The following ADK variants were observed in gnomAD, a reference collection of about 807,000 sequenced individuals.
ADK encodes the protein adenosine kinase.
A neutral mutation model predicts 44.7 loss-of-function variants in ADK; 24 were observed. The observed-to-expected ratio is 0.54, with a 90% confidence interval of 0.39 to 0.76. ADK has a LOEUF of 0.76. ADK is among the 30% of genes least tolerant of loss of function. ADK has a pLI of 0.00. For synonymous variants in ADK, 128 were observed against 142.6 expected, an observed-to-expected ratio of 0.90 and a Z score of 0.73; for missense variants, 321 against 425.1, an observed-to-expected ratio of 0.76 and a Z score of 2.15.
At chr10:74,196,836 CA>C (rs910370744) in intron 1 of ADK, among the ~76,000 whole-genome samples, 1 of 152,100 alleles carries the variant, frequency 6.6e-6, no homozygotes, top group African/African-American at 2.4e-5. Context: ...AAAAGCAAAA[CA>C]AAACAACAGA....
At chr10:74,660,194 T>C (rs575945611) in intron 9 of ADK, among the ~76,000 whole-genome samples, 1 of 152,306 alleles carries the variant, frequency 6.6e-6, no homozygotes, top group African/African-American at 2.4e-5. Flanking sequence ...AGCAGCACTA[T>C]CTCGGCTCAC....
chr10:74,524,426 T>C (rs1483489010), intron 6 of ADK, among the ~76,000 whole-genome samples: 1 of 152,188 alleles, frequency 6.6e-6, no homozygotes, highest in African/African-American at 2.4e-5. Context: ...AAGGTCTCCG[T>C]GTATTTCCCA....
chr10:74,602,920 C>T (rs554439607), intron 9 of ADK, among the ~76,000 whole-genome samples: 4 of 152,176 alleles, frequency 2.6e-5, no homozygotes, highest in Non-Finnish European at 5.9e-5. Flanking sequence ...TCCTCTAATA[C>T]GGCTTGATCT....
chr10:74,587,716 G>C (rs900155089), intron 7 of ADK, among the ~76,000 whole-genome samples: 3 of 151,224 alleles, frequency 2.0e-5, no homozygotes, highest in African/African-American at 4.8e-5. Context: ...AAGATGTAGA[G>C]ACTCTTGACA....
intron 9 of ADK, among the ~76,000 whole-genome samples, chr10:74,623,031 A>C (rs750579552): frequency 5.3e-5 from 8 of 152,036 alleles, no homozygotes; most frequent in Non-Finnish European, 8.8e-5. Flanking sequence ...AAAAAACAAA[A>C]AAAGAACCCG....
At chr10:74,251,858 A>G (rs1845662297) in intron 3 of ADK, among the ~76,000 whole-genome samples, 1 of 148,954 alleles carries the variant, frequency 6.7e-6, no homozygotes, top group African/African-American at 2.5e-5. Context: ...CTTACTCCAC[A>G]GCCATTCATT....
intron 7 of ADK, among the ~76,000 whole-genome samples, chr10:74,526,310 A>C (rs973355688): frequency 5.9e-5 from 9 of 152,132 alleles, no homozygotes; most frequent in Admixed American, 2.0e-4. Flanking sequence ...TAAATTATGG[A>C]AATGCTTATT....
intron 6 of ADK, among the ~76,000 whole-genome samples, chr10:74,460,114 A>G (rs987688314): frequency 1.6e-4 from 25 of 152,166 alleles, no homozygotes; most frequent in African/African-American, 5.6e-4. Context: ...CGGCTCCAAG[A>G]TGTGAAACTG....
At chr10:74,176,809 G>C (rs1842357493) in intron 1 of ADK, 3 of 1,600,644 alleles carry the variant, frequency 1.9e-6, no homozygotes, top group Admixed American at 1.7e-5. Flanking sequence ...GGTACCTGCT[G>C]CTGCCCGAGC....
chr10:74,400,904 A>G (rs185826719), intron 6 of ADK, among the ~76,000 whole-genome samples: 1 of 152,290 alleles, frequency 6.6e-6, no homozygotes, highest in East Asian at 1.9e-4. Flanking sequence ...CTTCTTCTTC[A>G]TTTTCTTCAC....
chr10:74,183,913 T>C (rs769774404), intron 1 of ADK, among the ~76,000 whole-genome samples: 27 of 151,892 alleles, frequency 1.8e-4, no homozygotes, highest in Non-Finnish European at 3.7e-4. Context: ...TGAGATTATT[T>C]TATTTTATTT....
At chr10:74,246,861 T>C (rs1189129481) in intron 3 of ADK, among the ~76,000 whole-genome samples, 4 of 152,194 alleles carry the variant, frequency 2.6e-5, no homozygotes, top group African/African-American at 9.6e-5. Flanking sequence ...ACAGTGCTTC[T>C]CTTGTCACTA....
chr10:74,212,562 T>C (rs1310096494), intron 2 of ADK, among the ~76,000 whole-genome samples: 1 of 152,188 alleles, frequency 6.6e-6, no homozygotes, highest in African/African-American at 2.4e-5. Flanking sequence ...GTTATTAGGG[T>C]TCTTGTGAGG....
At chr10:74,440,908 C>T (rs188837163) in intron 6 of ADK, among the ~76,000 whole-genome samples, 2 of 152,178 alleles carry the variant, frequency 1.3e-5, no homozygotes, top group East Asian at 1.9e-4. Context: ...GCAATGTGAC[C>T]AATACAAAGA....
chr10:74,593,447 C>A (rs1441048000), intron 8 of ADK, among the ~76,000 whole-genome samples: 1 of 151,278 alleles, frequency 6.6e-6, no homozygotes, highest in Admixed American at 6.6e-5. Context: ...TATGGAATGA[C>A]CCTAAAAATA....
chr10:74,184,213 C>T (rs1413779528), intron 1 of ADK, among the ~76,000 whole-genome samples: 17 of 152,122 alleles, frequency 1.1e-4, no homozygotes, highest in African/African-American at 2.9e-4. Flanking sequence ...CCACTGTGCC[C>T]GGCAGAGATT....
At chr10:74,237,151 A>G (rs576373259) in intron 3 of ADK, among the ~76,000 whole-genome samples, 1 of 152,360 alleles carries the variant, frequency 6.6e-6, no homozygotes, top group South Asian at 2.1e-4. Context: ...CCACAGTAGA[A>G]TTTGGAAAAT....
chr10:74,504,770 G>A (rs895363028), intron 6 of ADK, among the ~76,000 whole-genome samples: 26 of 152,156 alleles, frequency 1.7e-4, no homozygotes, highest in African/African-American at 6.3e-4. Context: ...AGTTTTATAA[G>A]TGTTTGACAG....
At chr10:74,389,205 G>A (rs1307399176) in intron 4 of ADK, among the ~76,000 whole-genome samples, 1 of 152,204 alleles carries the variant, frequency 6.6e-6, no homozygotes, top group African/African-American at 2.4e-5. Context: ...AGGGAAGGTA[G>A]GCAGTTTATT....
Sources: gnomAD v4.1 joint callset for allele counts (sites outside exome capture counted in the v4.1 genomes callset) on GRCh38, gnomAD v4.1.1 for gene constraint, MANE v1.5 for transcripts, NCBI Gene and HGNC (gene_info 2026-07-23, HGNC 2026-07-21) for gene names.